IGSF10: variants seen among roughly 807,000 people sequenced by gnomAD.
The protein encoded by IGSF10 is immunoglobulin superfamily member 10.
In IGSF10, 126 loss-of-function variants were observed where a neutral mutation model predicts 128.2. That is an observed-to-expected ratio of 0.98 (90% confidence interval 0.85 to 1.14). The LOEUF (loss-of-function observed/expected upper bound fraction) is 1.14, where lower values mean the gene tolerates loss of function less well. Ranked by LOEUF, IGSF10 falls within the 50% of genes most tolerant of loss-of-function variation. IGSF10 has a pLI of 0.00. For missense variants in IGSF10, 3,295 were observed against 3,149.8 expected, an observed-to-expected ratio of 1.05 and a Z score of -1.10; for synonymous variants, 1,185 against 1,146.2, an observed-to-expected ratio of 1.03 and a Z score of -0.68.
At position 151,444,974 on chromosome 3, in the gene IGSF10, G is replaced by A; in HGVS notation, c.5007C>T (p.Pro1669=). 2 of 1,614,010 alleles carry A rather than the reference G, an allele frequency of 1.2e-6. No individual in the cohort carries two copies. Among genetic ancestry groups the A allele is most frequent in the African/African-American group, 2.7e-5 (2 of 75,044 alleles). ...GCAGGGGATTTCCAACAGCTTCACA[G>A]GGAAGAAAGGCATCTGAGTTAGCTG... ...TIPANSDAFL[P]CEAVGNPLPT... Residue 1669 remains proline (P), a synonymous_variant, in exon 6 of 8, where the codon CCC becomes CCT. Transcript: ENST00000282466.
chr3:151,551,738 TA>T, the IGSF10 span, among the ~76,000 whole-genome samples: 1 of 151,662 alleles, frequency 6.6e-6, no homozygotes, highest in African/African-American at 2.4e-5. Flanking sequence ...AATTTTTCAT[TA>T]AAATATTTTA....
At chr3:151,524,943 T>A in the IGSF10 span, among the ~76,000 whole-genome samples, 1 of 148,388 alleles carries the variant, frequency 6.7e-6, no homozygotes, top group Admixed American at 6.7e-5. Flanking sequence ...CTTTTCCAGC[T>A]ATAATATTGT....
At chr3:151,469,854 G>A in the IGSF10 span, among the ~76,000 whole-genome samples, 1 of 152,158 alleles carries the variant, frequency 6.6e-6, no homozygotes, top group Admixed American at 6.5e-5. Flanking sequence ...AAGCCAAAAG[G>A]ATGAGGTTGA....
At chr3:151,515,428 A>G in the IGSF10 span, among the ~76,000 whole-genome samples, 1 of 130,912 alleles carries the variant, frequency 7.6e-6, no homozygotes, top group South Asian at 2.4e-4. Flanking sequence ...ATGAGAACAC[A>G]TGGACACAGG....
chr3:151,492,230 A>G, the IGSF10 span, among the ~76,000 whole-genome samples: 4 of 152,218 alleles, frequency 2.6e-5, no homozygotes, highest in African/African-American at 9.6e-5. Context: ...CAAAGACTAC[A>G]TATAAATGGC....
chr3:151,533,924 C>A, the IGSF10 span, among the ~76,000 whole-genome samples: 1 of 152,168 alleles, frequency 6.6e-6, no homozygotes, highest in Non-Finnish European at 1.5e-5. Flanking sequence ...GGGCTAATAT[C>A]CAGAATCTAC....
the IGSF10 span, among the ~76,000 whole-genome samples, chr3:151,550,075 A>G: frequency 6.6e-6 from 1 of 152,166 alleles, no homozygotes; most frequent in South Asian, 2.1e-4. Flanking sequence ...AATAAAATTG[A>G]GAACTTTTAG....
rs1229762372 is a variant in IGSF10, at chr3:151,447,074, G to A, written c.2907C>T (p.Phe969=). 25 of 1,614,078 alleles carry A rather than the reference G, an allele frequency of 1.5e-5. 1 individual carries two copies. The highest frequency in any genetic ancestry group is 1.9e-5 in the Non-Finnish European group (22 of 1,180,014). The change falls in exon 6 of 8, where the codon TTC becomes TTT. Residue 969 remains phenylalanine, a synonymous_variant. Coordinates refer to ENST00000282466, the MANE Select transcript of IGSF10 (RefSeq NM_178822.5). ...REVSEPRHNH[F]YSHTTQILST... ...TAAGTATTTGAGTAGTGTGAGAATA[G>A]AAGTGATTGTGCCTGGGTTCACTCA...
chr3:151,488,607 T>C, the IGSF10 span, among the ~76,000 whole-genome samples: 16 of 152,298 alleles, frequency 1.1e-4, no homozygotes, highest in Non-Finnish European at 8.8e-5. Flanking sequence ...AACAGCATGG[T>C]ATTTATACCA....
At chr3:151,551,790 T>C in the IGSF10 span, among the ~76,000 whole-genome samples, 1 of 152,138 alleles carries the variant, frequency 6.6e-6, no homozygotes, top group African/African-American at 2.4e-5. Flanking sequence ...TAAATATTAA[T>C]TGAGGATCCT....
At chr3:151,452,697 T>C (rs1268871294) in intron 5 of IGSF10, among the ~76,000 whole-genome samples, 1 of 151,794 alleles carries the variant, frequency 6.6e-6, no homozygotes, top group Non-Finnish European at 1.5e-5. Context: ...CAGTTAAAGA[T>C]AAACTAGATG....
At chr3:151,532,850 G>A in the IGSF10 span, among the ~76,000 whole-genome samples, 1 of 152,154 alleles carries the variant, frequency 6.6e-6, no homozygotes, top group East Asian at 1.9e-4. Context: ...AAGAAATAAA[G>A]GGTATTCAAT....
intron 4 of IGSF10, among the ~76,000 whole-genome samples, chr3:151,455,355 G>GCC (rs71138498): frequency 7.5e-4 from 114 of 151,238 alleles, no homozygotes; most frequent in Middle Eastern, 3.4e-3. Flanking sequence ...CAGGTGATCT[G>GCC]CCCCCCCTTG....
the IGSF10 span, among the ~76,000 whole-genome samples, chr3:151,486,546 A>G: frequency 6.6e-6 from 1 of 152,218 alleles, no homozygotes; most frequent in Non-Finnish European, 1.5e-5. Flanking sequence ...CTTATTCTAA[A>G]ACTGATCATA....
intron 1 of IGSF10, among the ~76,000 whole-genome samples, chr3:151,460,712 G>A (rs1167450691): frequency 6.6e-6 from 1 of 151,398 alleles, no homozygotes; most frequent in African/African-American, 2.4e-5. Flanking sequence ...TCCATCTATT[G>A]ATTGTCTTTC....
At position 151,453,599 on chromosome 3, in the gene IGSF10, T is replaced by C. The variant is rs775454483; in HGVS notation, c.500A>G (p.Lys167Arg). ...AGAGACAAATGTATCTGGGTGGAGC[T>C]TAGTGAGCTGATTTCCTTCCAAGTG... ...LVHLEGNQLT[K>R]LHPDTFVSLS... Residue 167 changes from lysine (K) to arginine (R), a missense_variant, in exon 5 of 8, where the codon AAG (lysine) becomes AGG (arginine). By Grantham distance (26) the Lys-to-Arg change is conservative. Transcript: ENST00000282466. 3 of 1,614,048 alleles carry C rather than the reference T, an allele frequency of 1.9e-6. No homozygotes were observed. In the East Asian group the frequency reaches 6.7e-5, roughly 36 times the overall value.
At chr3:151,533,819 T>TA in the IGSF10 span, among the ~76,000 whole-genome samples, 1 of 152,004 alleles carries the variant, frequency 6.6e-6, no homozygotes, top group African/African-American at 2.4e-5. Context: ...CTAATTAAAC[T>TA]AATAAGCTAC....
chr3:151,484,975 G>C, the IGSF10 span, among the ~76,000 whole-genome samples: 142 of 152,222 alleles, frequency 9.3e-4, no homozygotes, highest in African/African-American at 3.3e-3. Context: ...ACAGAAGTAG[G>C]TTTCAGAAGG....
chr3:151,473,334 C>T, the IGSF10 span, among the ~76,000 whole-genome samples: 10 of 152,318 alleles, frequency 6.6e-5, no homozygotes, highest in South Asian at 2.1e-3. Flanking sequence ...CACCCTGAGA[C>T]TCCAAGGGAG....
Sources: allele counts gnomAD v4.1 joint callset (sites outside exome capture counted in the v4.1 genomes callset), GRCh38; gene constraint gnomAD v4.1.1; transcripts MANE v1.5; gene names NCBI Gene and HGNC (gene_info 2026-07-23, HGNC 2026-07-21).